The following NKAIN2 variants were observed in gnomAD, a reference collection of about 807,000 sequenced individuals.
NKAIN2 encodes sodium/potassium-transporting ATPase subunit beta-1-interacting protein 2.
NKAIN2 carries 14 observed loss-of-function variants against 32.6 expected under a neutral mutation model. The observed-to-expected ratio is 0.43, with a 90% CI of 0.28 to 0.67. The LOEUF (loss-of-function observed/expected upper bound fraction) is 0.67, where lower values mean the gene tolerates loss of function less well. Ranked by LOEUF, NKAIN2 falls within the 30% of genes least tolerant of loss-of-function variation. The probability of loss-of-function intolerance (pLI) is 0.17; values close to 1 mark genes in which losing one functional copy is unlikely to be tolerated. For synonymous variants in NKAIN2, 80 were observed against 87.2 expected, an observed-to-expected ratio of 0.92 and a Z score of 0.46; for missense variants, 198 against 258.3, an observed-to-expected ratio of 0.77 and a Z score of 1.60.
chr6:124,327,132 T>C (rs148275506), intron 2 of NKAIN2, among the ~76,000 whole-genome samples: 38 of 152,220 alleles, frequency 2.5e-4, no homozygotes, highest in African/African-American at 8.4e-4. Context: ...CCCACCCATA[T>C]TCTGAGTTTT....
At chr6:123,806,715 T>G (rs998546629) in intron 1 of NKAIN2, among the ~76,000 whole-genome samples, 12 of 152,040 alleles carry the variant, frequency 7.9e-5, no homozygotes, top group Admixed American at 4.6e-4. Context: ...ACTTCTCAAG[T>G]GTTTAGTATG....
At chr6:124,722,827 C>A (rs1332912161) in intron 4 of NKAIN2, among the ~76,000 whole-genome samples, 1 of 152,224 alleles carries the variant, frequency 6.6e-6, no homozygotes, top group Non-Finnish European at 1.5e-5. Flanking sequence ...TTCTCCACAT[C>A]TTTGTCAACA....
chr6:124,283,597 C>G (rs1300550367), intron 2 of NKAIN2, among the ~76,000 whole-genome samples: 2 of 152,162 alleles, frequency 1.3e-5, no homozygotes, highest in Admixed American at 6.5e-5. Context: ...TATGAGAAAG[C>G]CAGAATAATC....
intron 1 of NKAIN2, among the ~76,000 whole-genome samples, chr6:124,186,256 A>AAAAAG (rs1027467018): frequency 6.6e-6 from 1 of 151,984 alleles, no homozygotes; most frequent in Non-Finnish European, 1.5e-5. Context: ...AAAGAAAAGA[A>AAAAAG]AAAAGAAAAG....
chr6:124,362,305 C>T (rs561456517), intron 3 of NKAIN2, among the ~76,000 whole-genome samples: 29 of 152,056 alleles, frequency 1.9e-4, no homozygotes, highest in South Asian at 2.1e-4. Flanking sequence ...GAAAGATATT[C>T]GACCTATTAT....
chr6:124,395,853 A>G (rs747284089), intron 3 of NKAIN2, among the ~76,000 whole-genome samples: 1 of 152,124 alleles, frequency 6.6e-6, no homozygotes, highest in Non-Finnish European at 1.5e-5. Context: ...ATATTGTTAT[A>G]TGTCCTATAC....
intron 4 of NKAIN2, among the ~76,000 whole-genome samples, chr6:124,691,325 C>T (rs565865631): frequency 1.3e-5 from 2 of 152,260 alleles, no homozygotes; most frequent in Admixed American, 6.5e-5. Flanking sequence ...TCCATTTAAC[C>T]TCACTACTCT....
intron 3 of NKAIN2, among the ~76,000 whole-genome samples, chr6:124,472,866 TAAAG>T (rs1256858586): frequency 1.3e-5 from 2 of 152,090 alleles, no homozygotes; most frequent in African/African-American, 2.4e-5. Flanking sequence ...ATTTTTTATG[TAAAG>T]AAAGAGAATG....
At chr6:123,854,411 A>G (rs946697821) in intron 1 of NKAIN2, among the ~76,000 whole-genome samples, 50 of 152,176 alleles carry the variant, frequency 3.3e-4, no homozygotes, top group African/African-American at 1.2e-3. Context: ...GCTTTATCTT[A>G]TCTGTAGAGG....
At chr6:124,527,339 T>A (rs139477616) in intron 3 of NKAIN2, among the ~76,000 whole-genome samples, 1 of 152,348 alleles carries the variant, frequency 6.6e-6, no homozygotes, top group Non-Finnish European at 1.5e-5. Flanking sequence ...TACGTTTTTA[T>A]TTTAAGCCCT....
intron 1 of NKAIN2, among the ~76,000 whole-genome samples, chr6:124,125,261 A>C (rs1482880208): frequency 6.6e-6 from 1 of 152,184 alleles, no homozygotes; most frequent in African/African-American, 2.4e-5. Context: ...GGGGGCTTGC[A>C]TGTATAAACA....
intron 3 of NKAIN2, among the ~76,000 whole-genome samples, chr6:124,485,234 G>A (rs1777607867): frequency 6.6e-6 from 1 of 152,134 alleles, no homozygotes; most frequent in Non-Finnish European, 1.5e-5. Flanking sequence ...CTGTCTTACT[G>A]AATCAGAAAC....
chr6:124,573,704 A>ATT (rs1262871844), intron 3 of NKAIN2, among the ~76,000 whole-genome samples: 1 of 152,136 alleles, frequency 6.6e-6, no homozygotes, highest in Non-Finnish European at 1.5e-5. Context: ...CAGGCATAAT[A>ATT]TGTAAAGCAC....
intron 3 of NKAIN2, among the ~76,000 whole-genome samples, chr6:124,552,175 A>G (rs1780313016): frequency 6.6e-6 from 1 of 152,220 alleles, no homozygotes; most frequent in Non-Finnish European, 1.5e-5. Flanking sequence ...CTACTATGAT[A>G]CTATGAGTAT....
At chr6:123,857,932 T>C (rs1296015519) in intron 1 of NKAIN2, among the ~76,000 whole-genome samples, 1 of 152,168 alleles carries the variant, frequency 6.6e-6, no homozygotes, top group East Asian at 1.9e-4. Context: ...GCTAACCTCC[T>C]AAACAAAGAC....
chr6:124,293,228 T>G (rs1171071705), intron 2 of NKAIN2, among the ~76,000 whole-genome samples: 1 of 152,108 alleles, frequency 6.6e-6, no homozygotes, highest in Non-Finnish European at 1.5e-5. Context: ...TTAAAATTTT[T>G]GGATGCATTG....
At chr6:124,517,833 A>G (rs1778972598) in intron 3 of NKAIN2, among the ~76,000 whole-genome samples, 1 of 152,162 alleles carries the variant, frequency 6.6e-6, no homozygotes, top group South Asian at 2.1e-4. Flanking sequence ...TTATATTTCC[A>G]AGAACGTGCT....
At chr6:124,807,818 C>G (rs1780660633) in intron 5 of NKAIN2, among the ~76,000 whole-genome samples, 1 of 150,432 alleles carries the variant, frequency 6.6e-6, no homozygotes, top group South Asian at 2.2e-4. Flanking sequence ...ACTGATCCCA[C>G]AGAAATACAA....
intron 3 of NKAIN2, among the ~76,000 whole-genome samples, chr6:124,579,583 A>G (rs1452957798): frequency 6.6e-6 from 1 of 152,198 alleles, no homozygotes; most frequent in Non-Finnish European, 1.5e-5. Flanking sequence ...CACCAGATCT[A>G]GAAAATATCC....
Sources: allele counts gnomAD v4.1 joint callset (sites outside exome capture counted in the v4.1 genomes callset), GRCh38; gene constraint gnomAD v4.1.1; transcripts MANE v1.5; gene names NCBI Gene and HGNC (gene_info 2026-07-23, HGNC 2026-07-21).